MIPOL1: variants seen among roughly 807,000 people sequenced by gnomAD.
MIPOL1 encodes the protein mirror-image polydactyly 1.
A neutral mutation model predicts 60.9 loss-of-function variants in MIPOL1; 57 were observed. That is an observed-to-expected ratio of 0.94 (90% CI 0.76 to 1.17). The LOEUF is 1.17. Ranked by LOEUF, MIPOL1 falls within the 50% of genes most tolerant of loss-of-function variation. MIPOL1 has a pLI of 0.00. For missense variants in MIPOL1, 551 were observed against 511.6 expected (o/e 1.08, Z -0.74); for synonymous variants, 179 against 168.8 (o/e 1.06, Z -0.47).
At chr14:37,308,293 A>G (rs1379818989) in intron 8 of MIPOL1, 56 bp from the exon 9 acceptor site, 1 of 1,383,726 alleles carries the variant, frequency 7.2e-7, no homozygotes, top group East Asian at 2.4e-5. Context: ...AAAACCCTAT[A>G]TTAAATAAAA....
intron 7 of MIPOL1, among the ~76,000 whole-genome samples, chr14:37,302,210 C>CA (rs1440161726): frequency 6.8e-6 from 1 of 147,726 alleles, no homozygotes; most frequent in African/African-American, 2.5e-5. Flanking sequence ...AGCAATGAAT[C>CA]AGAGTTCCTG....
intron 1 of MIPOL1, among the ~76,000 whole-genome samples, chr14:37,220,711 C>G (rs1968593891): frequency 6.6e-6 from 1 of 152,120 alleles, no homozygotes; most frequent in Non-Finnish European, 1.5e-5. Context: ...TTTCTATTGT[C>G]TTTATTTCAT....
intron 9 of MIPOL1, among the ~76,000 whole-genome samples, chr14:37,365,281 TTTCCAGA>T (rs2092431677): frequency 1.3e-5 from 2 of 152,270 alleles, no homozygotes; most frequent in South Asian, 4.1e-4. Flanking sequence ...TCCTTGTTGT[TTTCCAGA>T]TCTTAGAGGA....
At chr14:37,266,808 G>A in intron 3 of MIPOL1, 130 bp from the exon 4 acceptor site, 1 of 675,264 alleles carries the variant, frequency 1.5e-6, no homozygotes, top group South Asian at 1.9e-5. Flanking sequence ...TCTGATTACA[G>A]TAGGAGTAAG....
intron 12 of MIPOL1, among the ~76,000 whole-genome samples, chr14:37,521,885 G>GAAAAAAA (rs71449997): frequency 6.4e-4 from 83 of 130,342 alleles, no homozygotes; most frequent in African/African-American, 2.4e-3. Flanking sequence ...TTTATCTAAA[G>GAAAAAAA]AAAAAAAAAT....
At chr14:37,517,662 G>A (rs929817298) in intron 12 of MIPOL1, among the ~76,000 whole-genome samples, 2 of 152,090 alleles carry the variant, frequency 1.3e-5, no homozygotes, top group Admixed American at 6.6e-5. Context: ...ATGATGGTAC[G>A]TGCACATAGT....
chr14:37,501,416 A>G (rs2095213400), intron 12 of MIPOL1: 1 of 152,178 alleles, frequency 6.6e-6, no homozygotes, highest in Non-Finnish European at 1.5e-5. Flanking sequence ...ATAATCCATT[A>G]ATTTCTATAC....
chr14:37,231,831 G>A (rs1038738504), intron 1 of MIPOL1, among the ~76,000 whole-genome samples: 5 of 152,096 alleles, frequency 3.3e-5, no homozygotes, highest in Non-Finnish European at 7.4e-5. Flanking sequence ...TGTTATCCTA[G>A]CACTTTAGGA....
chr14:37,366,568 A>G (rs574667017), intron 9 of MIPOL1, among the ~76,000 whole-genome samples: 9 of 152,134 alleles, frequency 5.9e-5, no homozygotes, highest in African/African-American at 1.7e-4. Context: ...GTGACCTAAC[A>G]TATGATCTAC....
chr14:37,221,036 AT>A (rs34293599), intron 1 of MIPOL1, among the ~76,000 whole-genome samples: 32,953 of 147,904 alleles, frequency 0.22, 3,849 homozygotes, highest in South Asian at 0.32. Context: ...TTGTTTGTTA[AT>A]TTTTTTTTTT....
intron 1 of MIPOL1, among the ~76,000 whole-genome samples, chr14:37,200,875 TGTG>T (rs1965169207): frequency 8.4e-6 from 1 of 118,398 alleles, no homozygotes; most frequent in African/African-American, 3.5e-5. Context: ...TGTGTGTGTG[TGTG>T]TGTGTGTGTG....
At chr14:37,332,597 A>T (rs1169605482) in intron 9 of MIPOL1, among the ~76,000 whole-genome samples, 1 of 152,216 alleles carries the variant, frequency 6.6e-6, no homozygotes, top group Non-Finnish European at 1.5e-5. Flanking sequence ...TTATGAAGAA[A>T]ATTGTAAGGA....
intron 11 of MIPOL1, among the ~76,000 whole-genome samples, chr14:37,451,221 T>C (rs931519262): frequency 6.6e-6 from 1 of 152,152 alleles, no homozygotes; most frequent in Admixed American, 6.5e-5. Context: ...TTCTTCCTTG[T>C]TCACCTGTGT....
intron 10 of MIPOL1, among the ~76,000 whole-genome samples, chr14:37,415,502 G>C (rs536715108): frequency 1.3e-5 from 2 of 151,676 alleles, no homozygotes; most frequent in Non-Finnish European, 2.9e-5. Flanking sequence ...GGTGGCGGGC[G>C]CCTGTAGTCC....
intron 1 of MIPOL1, among the ~76,000 whole-genome samples, chr14:37,242,728 G>A (rs714230): frequency 0.45 from 67,989 of 151,970 alleles, 17,578 homozygotes; most frequent in African/African-American, 0.72. Context: ...AGAGAGATGG[G>A]GGAGAAAAAT....
intron 11 of MIPOL1, among the ~76,000 whole-genome samples, chr14:37,441,764 A>T (rs1469748118): frequency 2.0e-5 from 3 of 152,100 alleles, no homozygotes; most frequent in Admixed American, 2.0e-4. Context: ...TTTTGGTTTC[A>T]TAAAAATTTT....
At chr14:37,395,183 C>T (rs535108740) in intron 10 of MIPOL1, among the ~76,000 whole-genome samples, 53 of 152,130 alleles carry the variant, frequency 3.5e-4, no homozygotes, top group Non-Finnish European at 6.9e-4. Context: ...AGTTTGAAAT[C>T]AGGTAGTGCA....
chr14:37,216,062 C>CAAAAAAA (rs71449980), intron 1 of MIPOL1, among the ~76,000 whole-genome samples: 16 of 85,650 alleles, frequency 1.9e-4, no homozygotes, highest in Non-Finnish European at 3.3e-4. Context: ...ACCTCCATCT[C>CAAAAAAA]AAAAAAAAAA....
At chr14:37,248,434 G>A (rs1973532422) in intron 3 of MIPOL1, among the ~76,000 whole-genome samples, 1 of 152,002 alleles carries the variant, frequency 6.6e-6, no homozygotes, top group Middle Eastern at 3.4e-3. Context: ...AAGAGACTTG[G>A]TAAGAAAGAG....
Sources: allele counts gnomAD v4.1 joint callset (sites outside exome capture counted in the v4.1 genomes callset), GRCh38; gene constraint gnomAD v4.1.1; transcripts MANE v1.5; gene names NCBI Gene and HGNC (gene_info 2026-07-23, HGNC 2026-07-21).